ATF7IP: variants seen among roughly 807,000 people sequenced by gnomAD.
ATF7IP encodes the protein activating transcription factor 7-interacting protein 1.
A neutral mutation model predicts 106.4 loss-of-function variants in ATF7IP; 23 were observed. That is an observed-to-expected ratio of 0.22 (90% CI 0.16 to 0.31). The LOEUF is 0.31. Among genes scored for constraint, ATF7IP ranks in the 10% least tolerant of loss-of-function variants. ATF7IP has a pLI of 1.00. For missense variants in ATF7IP, 1,334 were observed against 1,524.3 expected, an observed-to-expected ratio of 0.88 and a Z score of 2.08; for synonymous variants, 542 against 539.0, an observed-to-expected ratio of 1.01 and a Z score of -0.08.
intron 1 of ATF7IP, among the ~76,000 whole-genome samples, chr12:14,419,723 C>G (rs896794088): frequency 1.3e-5 from 2 of 151,848 alleles, no homozygotes; most frequent in Non-Finnish European, 2.9e-5. Context: ...ATTAAAAACC[C>G]TTAACATAAT....
intron 1 of ATF7IP, among the ~76,000 whole-genome samples, chr12:14,391,815 A>AG (rs1317384830): frequency 3.3e-5 from 5 of 152,164 alleles, no homozygotes; most frequent in Non-Finnish European, 5.9e-5. Context: ...TCCGCCTCCC[A>AG]GGTTCAAGCG....
At chr12:14,401,902 C>T (rs1431743201) in intron 1 of ATF7IP, among the ~76,000 whole-genome samples, 16 of 149,484 alleles carry the variant, frequency 1.1e-4, no homozygotes, top group African/African-American at 2.9e-4. Flanking sequence ...TTAGTAGAGA[C>T]GGGGTTTTAC....
chr12:14,411,296 G>T (rs973461261), intron 1 of ATF7IP, among the ~76,000 whole-genome samples: 3 of 152,128 alleles, frequency 2.0e-5, no homozygotes, highest in African/African-American at 7.2e-5. Flanking sequence ...CATTATTCTT[G>T]TTGATTATAG....
chr12:14,489,249 T>C (rs1944728571), intron 13 of ATF7IP, among the ~76,000 whole-genome samples: 1 of 152,166 alleles, frequency 6.6e-6, no homozygotes, highest in African/African-American at 2.4e-5. Context: ...CTTACCTCCA[T>C]TGTGGAACAG....
At chr12:14,485,653 G>C (rs1359847167) in intron 13 of ATF7IP, among the ~76,000 whole-genome samples, 1 of 152,164 alleles carries the variant, frequency 6.6e-6, no homozygotes, top group Admixed American at 6.5e-5. Context: ...AAGGTATATT[G>C]CTGTCTTTGC....
chr12:14,425,775 T>A (rs979319093), intron 2 of ATF7IP, among the ~76,000 whole-genome samples: 1 of 152,170 alleles, frequency 6.6e-6, no homozygotes, highest in Non-Finnish European at 1.5e-5. Flanking sequence ...AGTACATAAT[T>A]GACTAGAGTT....
chr12:14,392,096 GAAT>G (rs1287605620), intron 1 of ATF7IP, among the ~76,000 whole-genome samples: 2 of 152,144 alleles, frequency 1.3e-5, no homozygotes, highest in Non-Finnish European at 2.9e-5. Context: ...TTTAAAATGG[GAAT>G]AATGTTTATC....
chr12:14,465,580 G>C (rs966485220), intron 9 of ATF7IP, among the ~76,000 whole-genome samples: 2 of 151,908 alleles, frequency 1.3e-5, no homozygotes, highest in Non-Finnish European at 2.9e-5. Context: ...CAAAAAGAAG[G>C]TAATTCAGAT....
chr12:14,446,189 C>G (rs1041714075), intron 5 of ATF7IP, among the ~76,000 whole-genome samples: 2 of 151,774 alleles, frequency 1.3e-5, no homozygotes, highest in African/African-American at 4.8e-5. Flanking sequence ...ACTCTGTTGC[C>G]CAGGCTGGAG....
At chr12:14,405,012 C>T (rs1010572629) in intron 1 of ATF7IP, among the ~76,000 whole-genome samples, 1 of 152,112 alleles carries the variant, frequency 6.6e-6, no homozygotes, top group African/African-American at 2.4e-5. Context: ...CTTTTAACAG[C>T]CCATCCTATG....
intron 1 of ATF7IP, chr12:14,385,301 C>T (rs1198590851): frequency 1.7e-6 from 2 of 1,206,580 alleles, no homozygotes; most frequent in African/African-American, 3.1e-5. Context: ...GCAACTGAGA[C>T]TGTGCAGCTG....
rs374859756 is a variant in ATF7IP, at chr12:14,378,991, C to T, written c.-8+13164C>T. Among the ~76,000 whole-genome samples, 12 of 152,258 alleles carry T rather than the reference C, an allele frequency of 7.9e-5. No homozygotes were observed. The South Asian group carries it at 1.0e-3, about 13-fold the overall frequency. ...TGTGGCTTAGTTGCTCACTATATCT[C>T]GTACACAACTGTCATCCTTAGAATT... On this transcript the variant is annotated intron_variant, in intron 1 of 14. Transcript: ENST00000261168.
rs565232256 is a variant in ATF7IP at position 14,411,069 on chromosome 12, C to T, written c.-7-12840C>T. Among the ~76,000 whole-genome samples the T allele has an allele frequency of 1.7e-3, 255 of 152,208 alleles. 1 individual carries two copies. Among genetic ancestry groups the T allele is most frequent in the African/African-American group, 5.4e-3 (224 of 41,522 alleles). On this transcript the variant is annotated intron_variant, in intron 1 of 14. Transcript: ENST00000261168. ...TTGTTTCCAGTTTTGGGCCATTATGCGTAGTGCTTCTATAAAGCATTTGTG... is the reference window on the plus strand; with the variant it reads ...TTGTTTCCAGTTTTGGGCCATTATGTGTAGTGCTTCTATAAAGCATTTGTG...
At chr12:14,377,059 A>G (rs990837474) in intron 1 of ATF7IP, among the ~76,000 whole-genome samples, 1 of 152,028 alleles carries the variant, frequency 6.6e-6, no homozygotes. Context: ...CAGTGGCATG[A>G]TCTTGGCTCA....
rs569715179 is a variant in ATF7IP, at chr12:14,422,685, A to C, written c.-7-1224A>C. On this transcript the variant is annotated intron_variant, in intron 1 of 14. Coordinates refer to ENST00000261168, the MANE Select transcript of ATF7IP (RefSeq NM_018179.5). ...CTTTTGTGACTGGCTTCTCTCACTC[A>C]GCATATTTTTAAGGTTTATGCATGT... is the stretch of plus-strand genomic sequence containing the variant. Among the ~76,000 whole-genome samples, 15 of 152,274 alleles carry C rather than the reference A, an allele frequency of 9.9e-5. 1 individual carries two copies. Among genetic ancestry groups the C allele is most frequent in the South Asian group, 2.1e-4 (1 of 4,826 alleles).
At chr12:14,456,523 G>T in intron 6 of ATF7IP, 38 bp from the exon 7 acceptor site, 1 of 1,462,700 alleles carries the variant, frequency 6.8e-7, no homozygotes. Context: ...CCTGTGTGTT[G>T]AGTTTTATTT....
intron 10 of ATF7IP, among the ~76,000 whole-genome samples, chr12:14,471,503 T>C (rs1944043767): frequency 6.6e-6 from 1 of 152,222 alleles, no homozygotes; most frequent in African/African-American, 2.4e-5. Flanking sequence ...AGTTTCCCTC[T>C]TTGTCTCTCT....
At chr12:14,389,669 C>G (rs1307906828) in intron 1 of ATF7IP, among the ~76,000 whole-genome samples, 1 of 152,078 alleles carries the variant, frequency 6.6e-6, no homozygotes, top group Non-Finnish European at 1.5e-5. Flanking sequence ...CTCTTGTTGC[C>G]TAGGCTGGAG....
intron 9 of ATF7IP, among the ~76,000 whole-genome samples, chr12:14,463,719 G>A (rs765064331): frequency 7.9e-5 from 12 of 152,266 alleles, no homozygotes; most frequent in Admixed American, 1.3e-4. Flanking sequence ...ATAGTGTTAG[G>A]AAGACCAATT....
Sources: allele counts gnomAD v4.1 joint callset (sites outside exome capture counted in the v4.1 genomes callset), GRCh38; gene constraint gnomAD v4.1.1; transcripts MANE v1.5; gene names NCBI Gene and HGNC (gene_info 2026-07-23, HGNC 2026-07-21).